The following PPM1D variants were observed in gnomAD, a reference collection of about 807,000 sequenced individuals.
PPM1D encodes the protein protein phosphatase, Mg2+/Mn2+ dependent 1D.
A neutral mutation model predicts 58.3 loss-of-function variants in PPM1D; 52 were observed. That is an observed-to-expected ratio of 0.89 (90% CI 0.71 to 1.12). The LOEUF (loss-of-function observed/expected upper bound fraction) is 1.12, where lower values mean the gene tolerates loss of function less well. PPM1D is among the 50% of genes most tolerant of loss of function. The pLI is 0.00. For synonymous variants in PPM1D, 278 were observed against 285.1 expected (o/e 0.98, Z 0.25); for missense variants, 564 against 777.2 (o/e 0.73, Z 3.26).
At chr17:60,657,372 A>G (rs186053700) in intron 5 of PPM1D, among the ~76,000 whole-genome samples, 14 of 152,316 alleles carry the variant, frequency 9.2e-5, no homozygotes, top group African/African-American at 3.1e-4. Context: ...GAAATAAGCA[A>G]ATTTTAAGTA....
chr17:60,638,415 C>T (rs531756320), intron 3 of PPM1D, among the ~76,000 whole-genome samples: 2 of 152,008 alleles, frequency 1.3e-5, no homozygotes, highest in African/African-American at 4.8e-5. Flanking sequence ...GTTGCCCAGG[C>T]TGGAATGCAG....
chr17:60,620,555 C>G (rs1453768557), intron 1 of PPM1D, among the ~76,000 whole-genome samples: 2 of 152,054 alleles, frequency 1.3e-5, no homozygotes, highest in Non-Finnish European at 2.9e-5. Context: ...GAGACAGAGT[C>G]TCGCTGTACT....
At chr17:60,643,883 C>CTTTTTTTTTTTTTTT (rs71148308) in intron 3 of PPM1D, among the ~76,000 whole-genome samples, 4 of 97,742 alleles carry the variant, frequency 4.1e-5, no homozygotes, top group African/African-American at 8.0e-5. Context: ...CTTTTCTTTT[C>CTTTTTTTTTTTTTTT]TTTTTTTTTT....
At chr17:60,639,879 A>G (rs1389458761) in intron 3 of PPM1D, among the ~76,000 whole-genome samples, 4 of 152,278 alleles carry the variant, frequency 2.6e-5, no homozygotes, top group Non-Finnish European at 4.4e-5. Context: ...TTTTAGGCAT[A>G]GAAAACAACA....
At chr17:60,657,241 T>A in intron 5 of PPM1D, 1 of 456,496 alleles carries the variant, frequency 2.2e-6, no homozygotes, top group Non-Finnish European at 2.9e-6. Flanking sequence ...TCATAGAGAA[T>A]CAAAATTGAG....
chr17:60,625,353 G>T (rs1248912238), intron 2 of PPM1D, among the ~76,000 whole-genome samples: 1 of 152,090 alleles, frequency 6.6e-6, no homozygotes, highest in Non-Finnish European at 1.5e-5. Context: ...TATTGAAATG[G>T]TTACCTTCTT....
chr17:60,623,392 T>A (rs1161614356), intron 1 of PPM1D, 129 bp from the exon 2 acceptor site: 2 of 851,844 alleles, frequency 2.3e-6, no homozygotes, highest in African/African-American at 3.4e-5. Context: ...TTCAGAATAT[T>A]TTTCTTAAAT....
chr17:60,622,534 G>A (rs541412720), intron 1 of PPM1D, among the ~76,000 whole-genome samples: 1 of 152,144 alleles, frequency 6.6e-6, no homozygotes, highest in African/African-American at 2.4e-5. Context: ...AACAGTATAG[G>A]GTTTGTAATT....
At chr17:60,607,917 C>G (rs190813665) in intron 1 of PPM1D, among the ~76,000 whole-genome samples, 1 of 152,308 alleles carries the variant, frequency 6.6e-6, no homozygotes, top group Admixed American at 6.5e-5. Context: ...AGAAGTTAAT[C>G]TTAACATAAA....
rs1700358189 is a variant in PPM1D, at chr17:60,664,804, T to C, written c.*1252T>C. On this transcript the variant is annotated 3_prime_UTR_variant, in exon 6 of 6. Coordinates refer to ENST00000305921, the MANE Select transcript of PPM1D (RefSeq NM_003620.4). ...GTGAGTGTATTTTATTTATTTATTA[T>C]TTTGTTTGTTTGTTTGAGATGGAGT... 1 of 152,082 alleles carries C rather than the reference T, an allele frequency of 6.6e-6. No individual in the cohort carries two copies. The highest frequency in any genetic ancestry group is 6.6e-5 in the Admixed American group (1 of 15,262). 9.4% of individuals were successfully genotyped at this position (152,082 alleles called of 1,614,324 possible).
At chr17:60,614,540 G>A (rs2030539713) in intron 1 of PPM1D, among the ~76,000 whole-genome samples, 2 of 152,156 alleles carry the variant, frequency 1.3e-5, no homozygotes, top group African/African-American at 4.8e-5. Context: ...TGCCAGATAA[G>A]GGAATAAAAG....
rs1324086220 is a variant in PPM1D at position 60,600,240 on chromosome 17, C to G, written c.-175C>G. On this transcript the variant is annotated 5_prime_UTR_variant, in exon 1 of 6. Coordinates refer to ENST00000305921, the MANE Select transcript of PPM1D (RefSeq NM_003620.4). ...GCTCTGCTCGCTCCGGCGCTCCGGC[C>G]CAGCTCTCGCGGACAAGTCCAGACA... The G allele has an allele frequency of 1.5e-6, 2 of 1,300,032 alleles. No homozygotes were observed. Among genetic ancestry groups the G allele is most frequent in the African/African-American group, 1.5e-5 (1 of 64,668 alleles). The allele number at this position is 1,300,032 out of a possible 1,614,324, so 80.5% of individuals were successfully genotyped here.
intron 3 of PPM1D, among the ~76,000 whole-genome samples, chr17:60,634,500 G>A (rs777768939): frequency 6.6e-6 from 1 of 152,102 alleles, no homozygotes; most frequent in African/African-American, 2.4e-5. Context: ...TTCTATCTCT[G>A]TTTAGGGAAG....
intron 5 of PPM1D, among the ~76,000 whole-genome samples, chr17:60,658,906 G>T (rs186605432): frequency 2.0e-5 from 3 of 152,152 alleles, no homozygotes; most frequent in African/African-American, 7.2e-5. Flanking sequence ...GTTGCAGTGA[G>T]CTGAGATCGC....
In PPM1D at chr17:60,663,031, A is replaced by G. The variant is rs1567979398; in HGVS notation, c.1297A>G (p.Lys433Glu). 1.9e-6 allele frequency: 3 copies of G among 1,613,582 alleles called. No homozygotes were observed. The highest frequency in any genetic ancestry group is 2.5e-6 in the Non-Finnish European group (3 of 1,179,796). The change falls in exon 6 of 6, where the codon AAG becomes GAG. Residue 433 changes from lysine (K) to glutamate (E), a missense_variant. By Grantham distance (56) the Lys-to-Glu change is moderately conservative (BLOSUM62 1). Transcript: ENST00000305921. ...GGATCCATGGCCAAGGGTGAATTCT[A>G]AGGACCATATACCTGCCCTGGTTCG... ...EEDPWPRVNS[K>E]DHIPALVRSN...
At chr17:60,630,172 C>G (rs2030891583) in intron 2 of PPM1D, among the ~76,000 whole-genome samples, 1 of 151,724 alleles carries the variant, frequency 6.6e-6, no homozygotes, top group Non-Finnish European at 1.5e-5. Context: ...ACCTCCATCT[C>G]TAAAAAATTT....
chr17:60,618,507 C>A (rs1236072256), intron 1 of PPM1D, among the ~76,000 whole-genome samples: 1 of 152,198 alleles, frequency 6.6e-6, no homozygotes, highest in African/African-American at 2.4e-5. Flanking sequence ...AGCACTATCT[C>A]ATTGTGGTTT....
chr17:60,663,536 C>G lies in PPM1D; in HGVS notation c.1802C>G (p.Thr601Ser), dbSNP rs2031569702. ...GNPLLHQHRK[T>S]VCVC ...CCTTTACTTCATCAACACAGGAAAACTGTTTGTGTTTGCTGAAATGCATCT... is the reference window on the plus strand; with the variant it reads ...CCTTTACTTCATCAACACAGGAAAAGTGTTTGTGTTTGCTGAAATGCATCT... The change falls in exon 6 of 6, where the codon ACT (threonine) becomes AGT (serine). Residue 601 changes from threonine to serine, a missense_variant. By Grantham distance (58) the Thr-to-Ser change is moderately conservative. Around this residue, in one of 7 missense-constraint regions of PPM1D, gnomAD observed 261 missense variants for 270.1 expected, o/e 0.97. Transcript: ENST00000305921. The G allele has an allele frequency of 1.1e-5, 18 of 1,607,896 alleles. No homozygotes were observed. Among genetic ancestry groups the G allele is most frequent in the Non-Finnish European group, 1.5e-5 (18 of 1,178,928 alleles).
At chr17:60,625,761 G>A (rs1246094021) in intron 2 of PPM1D, among the ~76,000 whole-genome samples, 8 of 152,132 alleles carry the variant, frequency 5.3e-5, no homozygotes, top group African/African-American at 1.9e-4. Flanking sequence ...TATATTTCTG[G>A]TGTTAGCAAT....
Sources: allele counts gnomAD v4.1 joint callset (sites outside exome capture counted in the v4.1 genomes callset), GRCh38; gene constraint gnomAD v4.1.1; regional missense constraint gnomAD v4.1.1; transcripts MANE v1.5; gene names NCBI Gene and HGNC (gene_info 2026-07-23, HGNC 2026-07-21).